ATP8A1: variants seen among roughly 807,000 people sequenced by gnomAD.
ATP8A1 encodes ATPase phospholipid transporting 8A1, also known as phospholipid-transporting ATPase IA.
ATP8A1 carries 90 observed loss-of-function variants against 177.7 expected under a neutral mutation model. That is an observed-to-expected ratio of 0.51 (90% confidence interval 0.43 to 0.60). The LOEUF (loss-of-function observed/expected upper bound fraction) is 0.60, where lower values mean the gene tolerates loss of function less well. ATP8A1 is among the 20% of genes least tolerant of loss of function. The pLI is 0.00. For missense variants in ATP8A1, 1,072 were observed against 1,392.8 expected (o/e 0.77, Z 3.67); for synonymous variants, 493 against 485.9 (o/e 1.01, Z -0.19).
chr4:42,642,749 C>T (rs1380753), intron 1 of ATP8A1, among the ~76,000 whole-genome samples: 6,729 of 152,198 alleles, frequency 0.044, 414 homozygotes, highest in African/African-American at 0.14. Flanking sequence ...CAACATTTTA[C>T]CTCAAGATGC....
At position 42,512,594 on chromosome 4, in the gene ATP8A1, T is replaced by C. The variant is rs530737000; in HGVS notation, c.1948-5440A>G. Among the ~76,000 whole-genome samples the C allele has an allele frequency of 1.9e-4, 29 of 152,350 alleles. No homozygotes were observed. The East Asian group carries it at 5.2e-3, about 27-fold the overall frequency. On this transcript the variant is annotated intron_variant, in intron 22 of 36. Transcript: ENST00000381668. Reference sequence around the variant, plus strand: ...CTCCTTGGATTCCTGGCTGCCTCGTTTTCTAACTGTACCTCCTTGCCTTAC... The same window carrying C: ...CTCCTTGGATTCCTGGCTGCCTCGTCTTCTAACTGTACCTCCTTGCCTTAC...
chr4:42,522,332 C>A, intron 21 of ATP8A1, 33 bp from the exon 22 acceptor site: 2 of 1,598,700 alleles, frequency 1.3e-6, no homozygotes, highest in Non-Finnish European at 1.7e-6. Flanking sequence ...CCCCAACACA[C>A]CAAAGATTTT....
intron 1 of ATP8A1, among the ~76,000 whole-genome samples, chr4:42,650,393 G>A (rs1462890258): frequency 1.3e-5 from 2 of 152,048 alleles, no homozygotes; most frequent in Non-Finnish European, 2.9e-5. Context: ...TGTTTCCTTT[G>A]GGACCTCCTT....
At chr4:42,579,715 CT>C in intron 11 of ATP8A1, 97 bp downstream of exon 11, 1 of 1,130,296 alleles carries the variant, frequency 8.8e-7, no homozygotes, top group Middle Eastern at 2.0e-4. Context: ...GCAACAAGGT[CT>C]TTTTAGAAAC....
At chr4:42,558,242 T>A (rs929699891) in intron 15 of ATP8A1, among the ~76,000 whole-genome samples, 2 of 152,150 alleles carry the variant, frequency 1.3e-5, no homozygotes, top group Non-Finnish European at 2.9e-5. Flanking sequence ...AACCATCACA[T>A]TAAAAGTAAA....
chr4:42,532,927 T>A (rs1327288982), intron 20 of ATP8A1, among the ~76,000 whole-genome samples: 1 of 152,226 alleles, frequency 6.6e-6, no homozygotes, highest in Non-Finnish European at 1.5e-5. Context: ...CCCTTAAGAA[T>A]GTACTTTGTA....
chr4:42,650,303 C>T (rs1266692383), intron 1 of ATP8A1, among the ~76,000 whole-genome samples: 2 of 152,174 alleles, frequency 1.3e-5, no homozygotes. Flanking sequence ...TGATGACATG[C>T]TGTATCGCTA....
intron 34 of ATP8A1, 141 bp from the exon 35 acceptor site, chr4:42,423,040 AAATTACCGT>A: frequency 2.0e-6 from 1 of 502,176 alleles, no homozygotes; most frequent in South Asian, 4.1e-5. Flanking sequence ...AGAATCTTAA[AAATTACCGT>A]AATTTTGAGA....
intron 24 of ATP8A1, among the ~76,000 whole-genome samples, chr4:42,489,186 G>C (rs922356752): frequency 6.6e-6 from 1 of 152,134 alleles, no homozygotes; most frequent in Non-Finnish European, 1.5e-5. Flanking sequence ...AGTGATTTCT[G>C]AGCTGAAAAC....
intron 35 of ATP8A1, among the ~76,000 whole-genome samples, chr4:42,415,647 T>C (rs1298110682): frequency 1.3e-5 from 2 of 152,192 alleles, no homozygotes; most frequent in African/African-American, 2.4e-5. Flanking sequence ...GTAATCCATA[T>C]GTGTTGCAGC....
At chr4:42,485,714 T>C (rs1262391499) in intron 24 of ATP8A1, 46 bp from the exon 25 acceptor site, 3 of 1,532,846 alleles carry the variant, frequency 2.0e-6, no homozygotes, top group Non-Finnish European at 2.7e-6. Flanking sequence ...TTACTCCCAT[T>C]TGTTCTACTA....
At chr4:42,613,301 T>C (rs1227697682) in intron 5 of ATP8A1, among the ~76,000 whole-genome samples, 1 of 152,102 alleles carries the variant, frequency 6.6e-6, no homozygotes, top group Non-Finnish European at 1.5e-5. Context: ...CATAATTTCT[T>C]GGATATGGGA....
intron 33 of ATP8A1, 62 bp downstream of exon 33, chr4:42,443,503 G>T: frequency 1.4e-6 from 1 of 739,938 alleles, no homozygotes; most frequent in Non-Finnish European, 2.4e-6. Flanking sequence ...AACGATTAAG[G>T]TTTGCTAAAA....
At chr4:42,432,449 T>C (rs1396710361) in intron 33 of ATP8A1, among the ~76,000 whole-genome samples, 1 of 152,170 alleles carries the variant, frequency 6.6e-6, no homozygotes, top group Non-Finnish European at 1.5e-5. Flanking sequence ...AAAGTGTCAT[T>C]AGAATCTGAA....
rs146805291 is a variant in ATP8A1 at position 42,645,824 on chromosome 4, T to G, written c.49+11001A>C. On this transcript the variant is annotated intron_variant, in intron 1 of 36. Transcript: ENST00000381668. ...AATATTTATCACAACCATTCTGGCA[T>G]AGATGGTAGACTGAACCCAGCTTAA... Among the ~76,000 whole-genome samples the G allele has an allele frequency of 3.2e-3, 489 of 152,148 alleles. 3 individuals are homozygous for G. Among genetic ancestry groups the G allele is most frequent in the African/African-American group, 0.011 (468 of 41,508 alleles).
intron 25 of ATP8A1, among the ~76,000 whole-genome samples, chr4:42,466,565 CTTCTTTGTA>C: frequency 6.6e-6 from 1 of 152,308 alleles, no homozygotes; most frequent in East Asian, 1.9e-4. Context: ...TTGGTCTCCT[CTTCTTTGTA>C]TTTTTAGTGC....
At position 42,522,284 on chromosome 4, in the gene ATP8A1, CAT is replaced by C. The variant is rs1327854815; in HGVS notation, c.1821_1822del (p.Cys608PhefsTer5). On this transcript the variant is annotated frameshift_variant, in exon 22 of 37. Coordinates refer to ENST00000381668, the MANE Select transcript of ATP8A1 (RefSeq NM_006095.2). LOFTEE classifies it high-confidence loss of function. ...CTCTGAAATCTCAGCCACAGCAAAACATAAAGTTCTTAACCCTGAAAAAGATA... is the reference window on the plus strand; with the variant it reads ...CTCTGAAATCTCAGCCACAGCAAAACAAAGTTCTTAACCCTGAAAAAGATA... 2 of 1,613,464 alleles carry C rather than the reference CAT, an allele frequency of 1.2e-6. No individual in the cohort carries two copies. The highest frequency in any genetic ancestry group is 1.3e-5 in the African/African-American group (1 of 74,906).
chr4:42,492,533 C>T (rs1722838455), intron 24 of ATP8A1, among the ~76,000 whole-genome samples: 1 of 152,138 alleles, frequency 6.6e-6, no homozygotes, highest in Admixed American at 6.5e-5. Flanking sequence ...CTTCTTCTTC[C>T]ATCATGCACA....
intron 1 of ATP8A1, among the ~76,000 whole-genome samples, chr4:42,646,095 G>A (rs1236718576): frequency 3.3e-5 from 5 of 152,208 alleles, no homozygotes; most frequent in African/African-American, 4.8e-5. Flanking sequence ...ATGGGGCAAC[G>A]ATGTGGGTTC....
Sources: gnomAD v4.1 joint callset for allele counts (sites outside exome capture counted in the v4.1 genomes callset) on GRCh38, gnomAD v4.1.1 for gene constraint, MANE v1.5 for transcripts, NCBI Gene and HGNC (gene_info 2026-07-23, HGNC 2026-07-21) for gene names.